CCSER1: variants seen among roughly 807,000 people sequenced by gnomAD.
The protein encoded by CCSER1 is serine-rich coiled-coil domain-containing protein 1.
CCSER1 carries 41 observed loss-of-function variants against 82.0 expected under a neutral mutation model. That is an observed-to-expected ratio of 0.50 (90% CI 0.39 to 0.65). The LOEUF is 0.65. Among genes scored for constraint, CCSER1 ranks in the 30% least tolerant of loss-of-function variants. The pLI, the probability that CCSER1 is intolerant of heterozygous loss-of-function variation, is 0.00. For synonymous variants in CCSER1, 414 were observed against 383.9 expected (o/e 1.08, Z -0.92); for missense variants, 1,119 against 1,064.2 (o/e 1.05, Z -0.72).
chr4:91,032,133 A>G (rs4693253), intron 9 of CCSER1, among the ~76,000 whole-genome samples: 140,686 of 152,078 alleles, frequency 0.93, 65,131 homozygotes, highest in African/African-American at 0.95. Context: ...GCATAACTTT[A>G]CATATTGTTT....
chr4:91,470,847 A>G (rs1757234164), intron 10 of CCSER1, among the ~76,000 whole-genome samples: 1 of 152,196 alleles, frequency 6.6e-6, no homozygotes, highest in Non-Finnish European at 1.5e-5. Context: ...TTCCCCCCAC[A>G]AAATTATGTA....
At chr4:91,579,793 G>A (rs1763642082) in intron 10 of CCSER1, among the ~76,000 whole-genome samples, 1 of 151,840 alleles carries the variant, frequency 6.6e-6, no homozygotes, top group Non-Finnish European at 1.5e-5. Context: ...GAATACCATG[G>A]TCATGAAAAG....
chr4:90,552,513 A>G (rs544945089), intron 5 of CCSER1, among the ~76,000 whole-genome samples: 2 of 152,142 alleles, frequency 1.3e-5, no homozygotes, highest in South Asian at 4.2e-4. Flanking sequence ...GCTGGAGTGC[A>G]GAGGCGCAAT....
chr4:90,688,918 C>T (rs1288623246), intron 6 of CCSER1, among the ~76,000 whole-genome samples: 2 of 151,912 alleles, frequency 1.3e-5, no homozygotes, highest in Non-Finnish European at 2.9e-5. Context: ...TACTGTCATG[C>T]TAGAAAAGCA....
chr4:91,091,676 C>G (rs1723973445), intron 10 of CCSER1, among the ~76,000 whole-genome samples: 1 of 152,176 alleles, frequency 6.6e-6, no homozygotes, highest in Admixed American at 6.5e-5. Context: ...TTGGTTTGGC[C>G]TCCCAGGTTC....
Position 90,839,336 on chromosome 4 carries a change from C to T in CCSER1, c.2094+23491C>T, listed in dbSNP as rs914352331. Among the ~76,000 whole-genome samples, 9 of 152,170 alleles carry T rather than the reference C, an allele frequency of 5.9e-5. 1 individual carries two copies. The East Asian group carries it at 1.7e-3, about 29-fold the overall frequency. Reference sequence around the variant, plus strand: ...AAGAACATAATTTAATTAAGCAGAGCATGTTTCAGTAAACAAATGTGAGTG... The same window carrying T: ...AAGAACATAATTTAATTAAGCAGAGTATGTTTCAGTAAACAAATGTGAGTG... On this transcript the variant is annotated intron_variant, in intron 8 of 10. Coordinates refer to ENST00000509176, the MANE Select transcript of CCSER1 (RefSeq NM_001145065.2).
At chr4:90,313,745 G>A (rs760401368) in intron 3 of CCSER1, among the ~76,000 whole-genome samples, 6 of 152,080 alleles carry the variant, frequency 3.9e-5, no homozygotes, top group Non-Finnish European at 7.4e-5. Context: ...GAAGAGATGA[G>A]GGGCGAACTG....
chr4:90,498,004 G>T, intron 5 of CCSER1, among the ~76,000 whole-genome samples: 1 of 151,408 alleles, frequency 6.6e-6, no homozygotes, highest in South Asian at 2.1e-4. Flanking sequence ...TGGAGTGCAA[G>T]TTTTGATATA....
chr4:90,543,510 TG>T (rs1362496950), intron 5 of CCSER1, among the ~76,000 whole-genome samples: 1 of 152,176 alleles, frequency 6.6e-6, no homozygotes, highest in Non-Finnish European at 1.5e-5. Flanking sequence ...GATTGTTTTT[TG>T]TTTGTTTTTA....
intron 8 of CCSER1, among the ~76,000 whole-genome samples, chr4:90,871,074 T>C (rs979580494): frequency 2.1e-5 from 3 of 142,510 alleles, no homozygotes; most frequent in African/African-American, 7.8e-5. Flanking sequence ...TCTTCTCTCT[T>C]TTTTTCTTAG....
At chr4:91,206,126 T>G (rs1736322161) in intron 10 of CCSER1, among the ~76,000 whole-genome samples, 1 of 151,980 alleles carries the variant, frequency 6.6e-6, no homozygotes. Context: ...GAACAACATA[T>G]GAAAATATGG....
chr4:91,214,800 A>T (rs1737116467), intron 10 of CCSER1, among the ~76,000 whole-genome samples: 1 of 152,172 alleles, frequency 6.6e-6, no homozygotes, highest in African/African-American at 2.4e-5. Flanking sequence ...ATATATCAAA[A>T]GTAATTGTTT....
intron 10 of CCSER1, among the ~76,000 whole-genome samples, chr4:91,176,738 C>A (rs1343813830): frequency 3.3e-5 from 5 of 152,142 alleles, no homozygotes; most frequent in Non-Finnish European, 4.4e-5. Flanking sequence ...ATGGGATTTT[C>A]TAAATATACA....
At chr4:90,787,350 A>C (rs1458225732) in intron 7 of CCSER1, among the ~76,000 whole-genome samples, 4 of 152,218 alleles carry the variant, frequency 2.6e-5, no homozygotes, top group African/African-American at 9.6e-5. Flanking sequence ...AGCAAAGGCC[A>C]CGGAGTTATG....
rs543073247 is a variant in CCSER1 at position 90,925,618 on chromosome 4, C to T, written c.2172+2171C>T. On this transcript the variant is annotated intron_variant, in intron 9 of 10. Transcript: ENST00000509176. Reference sequence around the variant, plus strand: ...TTACCAGCAGCCTCTTACGTATTTGCCTATCCATGCCTCATAATTTTCTAA... The same window carrying T: ...TTACCAGCAGCCTCTTACGTATTTGTCTATCCATGCCTCATAATTTTCTAA... 3.9e-5 allele frequency among the ~76,000 whole-genome samples: 6 copies of T among 152,150 alleles called. No individual in the cohort carries two copies. In the South Asian group the frequency reaches 1.2e-3, roughly 32 times the overall value.
chr4:90,571,651 C>T (rs1419798038), intron 5 of CCSER1, among the ~76,000 whole-genome samples: 1 of 152,120 alleles, frequency 6.6e-6, no homozygotes, highest in Non-Finnish European at 1.5e-5. Context: ...GTCCTATTTT[C>T]ACTGTCTTGG....
At chr4:90,339,109 A>G (rs1020434795) in intron 3 of CCSER1, among the ~76,000 whole-genome samples, 1 of 152,190 alleles carries the variant, frequency 6.6e-6, no homozygotes, top group Non-Finnish European at 1.5e-5. Flanking sequence ...TTTTCTTTCT[A>G]TAGAACTCCA....
intron 9 of CCSER1, among the ~76,000 whole-genome samples, chr4:90,958,063 C>G (rs1030200364): frequency 2.0e-5 from 3 of 152,044 alleles, no homozygotes; most frequent in Admixed American, 6.6e-5. Context: ...TAAGAGCATT[C>G]TATTAGATGT....
chr4:91,333,270 CTTGT>C (rs1288418203), intron 10 of CCSER1, among the ~76,000 whole-genome samples: 9 of 152,002 alleles, frequency 5.9e-5, no homozygotes, highest in Non-Finnish European at 1.0e-4. Flanking sequence ...GACAAAATGA[CTTGT>C]TTATCATAGA....
Sources: gnomAD v4.1 joint callset for allele counts (sites outside exome capture counted in the v4.1 genomes callset) on GRCh38, gnomAD v4.1.1 for gene constraint, MANE v1.5 for transcripts, NCBI Gene and HGNC (gene_info 2026-07-23, HGNC 2026-07-21) for gene names.